C9orf57: variants seen among roughly 807,000 people sequenced by gnomAD.
The protein encoded by C9orf57 is uncharacterized protein C9orf57.
Under a neutral mutation model 12.9 loss-of-function variants are expected in C9orf57, and 12 were observed. The ratio of observed to expected loss-of-function variants is 0.93; its 90% CI spans 0.60 to 1.51. C9orf57 has a LOEUF of 1.51. C9orf57 is among the 40% of genes most tolerant of loss of function. C9orf57 has a pLI of 0.00. For synonymous variants in C9orf57, 49 were observed against 57.1 expected, an observed-to-expected ratio of 0.86 and a Z score of 0.64; for missense variants, 141 against 162.8, an observed-to-expected ratio of 0.87 and a Z score of 0.73.
chr9:72,058,918 C>T (rs2132439567), intron 2 of C9orf57, among the ~76,000 whole-genome samples: 1 of 152,104 alleles, frequency 6.6e-6, no homozygotes, highest in Non-Finnish European at 1.5e-5. Flanking sequence ...ACTCTTGTTG[C>T]CCAGGCTGGA....
chr9:72,059,345 C>G lies in C9orf57; in HGVS notation c.-14G>C, dbSNP rs1370304620. The G allele has an allele frequency of 1.3e-6, 2 of 1,551,444 alleles. No homozygotes were observed. The highest frequency in any genetic ancestry group is 2.4e-5 in the East Asian group (1 of 40,924). ...AATCCTTCTCATTCTGATTTCCAAGCCGAAAAGGAGATGAAAGGAAAGACA... is the reference window on the plus strand; with the variant it reads ...AATCCTTCTCATTCTGATTTCCAAGGCGAAAAGGAGATGAAAGGAAAGACA... On this transcript the variant is annotated 5_prime_UTR_variant, in exon 2 of 5. Transcript: ENST00000651200.
At chr9:72,053,153 C>T (rs944015865) in intron 4 of C9orf57, among the ~76,000 whole-genome samples, 6 of 152,014 alleles carry the variant, frequency 3.9e-5, no homozygotes, top group Non-Finnish European at 5.9e-5. Context: ...CTGGTTGGGG[C>T]GGCAGGGTGG....
intron 4 of C9orf57, among the ~76,000 whole-genome samples, chr9:72,054,040 C>G (rs1425957806): frequency 6.6e-6 from 1 of 152,136 alleles, no homozygotes; most frequent in African/African-American, 2.4e-5. Flanking sequence ...CTCTTGTTGC[C>G]CATGCTGGAG....
chr9:72,059,295 G>A lies in C9orf57; in HGVS notation c.37C>T (p.Arg13Cys), dbSNP rs927062401. 32 of 1,551,356 alleles carry A rather than the reference G, an allele frequency of 2.1e-5. No homozygotes were observed. The highest frequency in any genetic ancestry group is 1.2e-4 in the Admixed American group (6 of 50,864). Residue 13 changes from arginine (R) to cysteine (C), a missense_variant, in exon 2 of 5, where the codon CGC becomes TGC. Transcript: ENST00000651200. ...RIVFAGVILFRLLGVILFRLL... is the reference protein window; with the variant it reads ...RIVFAGVILFCLLGVILFRLL... ...CGGAATAAGATAACACCTAAGAGGC[G>A]GAATAAGATAACACCAGCAAAAACA...
chr9:72,055,221 G>A (rs1242699862), intron 4 of C9orf57, among the ~76,000 whole-genome samples: 1 of 151,904 alleles, frequency 6.6e-6, no homozygotes, highest in African/African-American at 2.4e-5. Flanking sequence ...ATAGGCATGA[G>A]TCACTGTGCC....
rs377108402 is a variant in C9orf57 at position 72,052,367 on chromosome 9, C to A, written c.349G>T (p.Val117Phe). The part of the protein sequence containing the change: ...NTSECFKSTL[V>F]KRILQLHELV... ...TCATGCAGTTGCAGAATTCTCTTGA[C>A]GAGAGTACTCTTGAAGCACTCTGAT... The change falls in exon 5 of 5, where the codon GTC becomes TTC. Residue 117 changes from valine (V) to phenylalanine (F), a missense_variant. Val to Phe is a conservative substitution (Grantham distance 50). Transcript: ENST00000651200. The A allele has an allele frequency of 2.6e-6, 4 of 1,551,958 alleles. 1 individual carries two copies. The South Asian group carries it at 4.8e-5, about 18-fold the overall frequency.
rs141908584 is a variant in C9orf57 at position 72,058,843 on chromosome 9, G to A, written c.97+392C>T. On this transcript the variant is annotated intron_variant, in intron 2 of 4. Coordinates refer to ENST00000651200, the MANE Select transcript of C9orf57 (RefSeq NM_001128618.2). ...TTTCACATTGGTTCTGCCACTAAGC[G>A]TGACAGACTTTCCATTCATAATCAA... 4.6e-5 allele frequency among the ~76,000 whole-genome samples: 7 copies of A among 152,104 alleles called. No individual in the cohort carries two copies. In the East Asian group the frequency reaches 9.7e-4, roughly 21 times the overall value.
Position 72,055,108 on chromosome 9 carries a change from AT to A in C9orf57, c.280+965del, listed in dbSNP as rs893438077. 8.8e-5 allele frequency among the ~76,000 whole-genome samples: 11 copies of A among 125,364 alleles called. 1 individual carries two copies. Among genetic ancestry groups the A allele is most frequent in the South Asian group, 2.6e-4 (1 of 3,910 alleles). 82.2% of individuals were successfully genotyped at this position (125,364 alleles called of 152,430 possible). A position where few individuals can be genotyped will look rare whatever the true frequency, so the allele number is the denominator to read the frequency against. ...GCGCGACTAATTTTTATATATATAT[AT>A]TTTTTTTTGTAGAGACAGGGCTTCA... On this transcript the variant is annotated intron_variant, in intron 4 of 4. Coordinates refer to ENST00000651200, the MANE Select transcript of C9orf57 (RefSeq NM_001128618.2).
At chr9:72,057,839 A>G (rs1165700181) in intron 2 of C9orf57, among the ~76,000 whole-genome samples, 1 of 152,224 alleles carries the variant, frequency 6.6e-6, no homozygotes, top group African/African-American at 2.4e-5. Flanking sequence ...GTTATCTTCC[A>G]TACTCAAATT....
intron 4 of C9orf57, among the ~76,000 whole-genome samples, chr9:72,052,693 G>T (rs1201210476): frequency 1.3e-5 from 2 of 152,140 alleles, no homozygotes; most frequent in Non-Finnish European, 2.9e-5. Context: ...GATTGTAAAA[G>T]CCATGCAATT....
rs550649926 is a variant in C9orf57 at position 72,060,171 on chromosome 9, C to T, written c.-54+326G>A. ...AAGCGATTTTCCTGCCTCAGCCTCC[C>T]GAGTAGCTGGGATTACAGGCGCATG... On this transcript the variant is annotated intron_variant, in intron 1 of 4. Coordinates refer to ENST00000651200, the MANE Select transcript of C9orf57 (RefSeq NM_001128618.2). Among the ~76,000 whole-genome samples, 32 of 152,200 alleles carry T rather than the reference C, an allele frequency of 2.1e-4. No individual in the cohort carries two copies. In the Middle Eastern group the frequency reaches 0.01, roughly 49 times the overall value.
At chr9:72,053,933 C>T (rs1824133954) in intron 4 of C9orf57, among the ~76,000 whole-genome samples, 1 of 152,184 alleles carries the variant, frequency 6.6e-6, no homozygotes, top group Non-Finnish European at 1.5e-5. Flanking sequence ...TGTTGCATAG[C>T]ACTCCATGAC....
At chr9:72,058,625 G>C (rs936803925) in intron 2 of C9orf57, among the ~76,000 whole-genome samples, 1 of 152,164 alleles carries the variant, frequency 6.6e-6, no homozygotes, top group Non-Finnish European at 1.5e-5. Context: ...CCACTGCCAT[G>C]TCACTCCTAT....
chr9:72,059,120 C>A, intron 2 of C9orf57, 115 bp downstream of exon 2: 1 of 1,347,678 alleles, frequency 7.4e-7, no homozygotes, highest in Non-Finnish European at 1.0e-6. Context: ...CAGACCTGAT[C>A]CACCCGCCTC....
intron 4 of C9orf57, among the ~76,000 whole-genome samples, chr9:72,053,831 TA>T (rs1392717907): frequency 3.3e-5 from 5 of 152,240 alleles, no homozygotes; most frequent in African/African-American, 1.2e-4. Flanking sequence ...ATCAGTGGTA[TA>T]CTGAACGTAC....
In C9orf57 at chr9:72,059,287, T is replaced by C. The variant is rs971026557; in HGVS notation, c.45A>G (p.Leu15=). 29 of 1,551,260 alleles carry C rather than the reference T, an allele frequency of 1.9e-5. No individual in the cohort carries two copies. Among genetic ancestry groups the C allele is most frequent in the Non-Finnish European group, 2.4e-5 (27 of 1,146,924 alleles). The change falls in exon 2 of 5, where the codon TTA becomes TTG. Residue 15 remains leucine (L), a synonymous_variant. Transcript: ENST00000651200. The stretch of plus-strand genomic sequence containing the variant: ...CTAAGAGGCGGAATAAGATAACACC[T>C]AAGAGGCGGAATAAGATAACACCAG... The part of the protein sequence containing the change: ...VFAGVILFRL[L]GVILFRLLGV...
chr9:72,054,172 A>G (rs1262318793), intron 4 of C9orf57, among the ~76,000 whole-genome samples: 1 of 152,084 alleles, frequency 6.6e-6, no homozygotes, highest in Non-Finnish European at 1.5e-5. Context: ...CTAATTTTGT[A>G]TTTTTAGTAG....
At chr9:72,056,926 T>TG in intron 2 of C9orf57, 83 bp from the exon 3 acceptor site, 5 of 1,139,014 alleles carry the variant, frequency 4.4e-6, no homozygotes, top group Non-Finnish European at 6.2e-6. Flanking sequence ...TTTTTTTTTT[T>TG]GAGACAGGGT....
At chr9:72,055,109 T>TA (rs142589710) in intron 4 of C9orf57, among the ~76,000 whole-genome samples, 31,738 of 148,926 alleles carry the variant, frequency 0.21, 4,245 homozygotes, top group Non-Finnish European at 0.31. Flanking sequence ...TATATATATA[T>TA]TTTTTTTTGT....
Sources: gnomAD v4.1 joint callset for allele counts (sites outside exome capture counted in the v4.1 genomes callset) on GRCh38, gnomAD v4.1.1 for gene constraint, MANE v1.5 for transcripts, NCBI Gene and HGNC (gene_info 2026-07-23, HGNC 2026-07-21) for gene names.